The following RLN2 variants were observed in gnomAD, a reference collection of about 807,000 sequenced individuals.
RLN2 encodes prorelaxin H2.
In RLN2, 10 loss-of-function variants were observed where a neutral mutation model predicts 7.3. The ratio of observed to expected loss-of-function variants is 1.36; its 90% CI spans 0.84 to 2.31. The LOEUF is 2.31. Among genes scored for constraint, RLN2 ranks in the 30% most tolerant of loss-of-function variants. The pLI, the probability that RLN2 is intolerant of heterozygous loss-of-function variation, is 0.00. For synonymous variants in RLN2, 103 were observed against 82.3 expected (o/e 1.25, Z -1.36); for missense variants, 298 against 217.6 (o/e 1.37, Z -2.32).
At chr9:5,332,207 G>A in the RLN2 span, among the ~76,000 whole-genome samples, 1,281 of 152,090 alleles carry the variant, frequency 8.4e-3, 28 homozygotes, top group Middle Eastern at 0.034. Flanking sequence ...GTGTGCAGGT[G>A]TACTCCCTTT....
the RLN2 span, among the ~76,000 whole-genome samples, chr9:5,323,535 A>C: frequency 6.6e-6 from 1 of 151,684 alleles, no homozygotes; most frequent in Non-Finnish European, 1.5e-5. Flanking sequence ...GTGCATTTTT[A>C]GGGTGTCCAG....
intron 1 of RLN2, among the ~76,000 whole-genome samples, chr9:5,302,484 G>A (rs1816169689): frequency 6.6e-6 from 1 of 152,150 alleles, no homozygotes; most frequent in African/African-American, 2.4e-5. Context: ...ACAAATTACT[G>A]ACATGTACTT....
upstream of RLN2, among the ~76,000 whole-genome samples, chr9:5,307,464 T>C (rs1454298191): frequency 6.6e-6 from 1 of 151,880 alleles, no homozygotes; most frequent in African/African-American, 2.4e-5. Context: ...TATTTGAGTG[T>C]TTATACTAGA....
At chr9:5,320,213 T>C in the RLN2 span, among the ~76,000 whole-genome samples, 1 of 151,724 alleles carries the variant, frequency 6.6e-6, no homozygotes, top group Non-Finnish European at 1.5e-5. Flanking sequence ...CTCAAACTCC[T>C]GATCTCAGGT....
chr9:5,323,220 G>T, the RLN2 span, among the ~76,000 whole-genome samples: 3 of 151,742 alleles, frequency 2.0e-5, no homozygotes, highest in Non-Finnish European at 2.9e-5. Context: ...CAGTCATCTG[G>T]CTGCTTCCTG....
At chr9:5,311,221 A>G in the RLN2 span, among the ~76,000 whole-genome samples, 2 of 152,146 alleles carry the variant, frequency 1.3e-5, no homozygotes, top group Non-Finnish European at 1.5e-5. Flanking sequence ...TGAAGGTCAA[A>G]ACCAAGATAT....
At chr9:5,337,295 T>C in the RLN2 span, among the ~76,000 whole-genome samples, 5 of 152,092 alleles carry the variant, frequency 3.3e-5, no homozygotes, top group African/African-American at 9.7e-5. Flanking sequence ...AAAACAGTTA[T>C]AGATTGTATT....
At chr9:5,305,337 T>C (rs1586932849), upstream of RLN2, among the ~76,000 whole-genome samples, 1 of 148,684 alleles carries the variant, frequency 6.7e-6, no homozygotes, top group South Asian at 2.1e-4. Flanking sequence ...CTAATCTACA[T>C]CTCTGGAGAC....
the RLN2 span, among the ~76,000 whole-genome samples, chr9:5,336,553 A>T: frequency 6.6e-6 from 1 of 152,086 alleles, no homozygotes; most frequent in African/African-American, 2.4e-5. Flanking sequence ...ACTGCCAGTT[A>T]AAAGATATAA....
chr9:5,300,531 A>G, intron 1 of RLN2, 87 bp from the exon 2 acceptor site: 1 of 830,864 alleles, frequency 1.2e-6, no homozygotes, highest in South Asian at 1.8e-5. Context: ...GCATAGACAA[A>G]AAAGCATTGC....
At chr9:5,336,446 G>C in the RLN2 span, among the ~76,000 whole-genome samples, 1 of 151,932 alleles carries the variant, frequency 6.6e-6, no homozygotes, top group South Asian at 2.1e-4. Flanking sequence ...CTGGGACTTG[G>C]GCTGGGAACC....
chr9:5,320,909 G>C, the RLN2 span, among the ~76,000 whole-genome samples: 1 of 151,932 alleles, frequency 6.6e-6, no homozygotes, highest in East Asian at 1.9e-4. Flanking sequence ...GCCAGCTATG[G>C]ATAAATCTAC....
chr9:5,307,259 T>C (rs1333550027), upstream of RLN2, among the ~76,000 whole-genome samples: 1 of 118,234 alleles, frequency 8.5e-6, no homozygotes, highest in African/African-American at 3.3e-5. Flanking sequence ...AGATGATAGA[T>C]AGATAGATAG....
intron 1 of RLN2, among the ~76,000 whole-genome samples, chr9:5,302,111 A>G (rs1178601205): frequency 6.6e-6 from 1 of 152,358 alleles, no homozygotes; most frequent in Non-Finnish European, 1.5e-5. Context: ...TGAGTCAGCC[A>G]AAACAGTTAT....
At chr9:5,301,816 T>C (rs890724869) in intron 1 of RLN2, among the ~76,000 whole-genome samples, 1 of 151,962 alleles carries the variant, frequency 6.6e-6, no homozygotes, top group Admixed American at 6.5e-5. Flanking sequence ...ATTCAACAAT[T>C]GGAGTTTGAC....
chr9:5,326,480 G>C, the RLN2 span, among the ~76,000 whole-genome samples: 1 of 152,098 alleles, frequency 6.6e-6, no homozygotes, highest in Non-Finnish European at 1.5e-5. Flanking sequence ...CTGGTACCCA[G>C]ACTGGCTGAT....
chr9:5,337,651 A>G, the RLN2 span, among the ~76,000 whole-genome samples: 1 of 152,044 alleles, frequency 6.6e-6, no homozygotes, highest in Non-Finnish European at 1.5e-5. Context: ...ATCACAAATT[A>G]CTGACATGTA....
chr9:5,335,970 C>T, the RLN2 span, among the ~76,000 whole-genome samples: 1 of 152,020 alleles, frequency 6.6e-6, no homozygotes, highest in African/African-American at 2.4e-5. Flanking sequence ...ATTCTTCTTA[C>T]TTAACTCGTT....
upstream of RLN2, among the ~76,000 whole-genome samples, chr9:5,305,769 A>C (rs541686368): frequency 5.0e-4 from 76 of 152,138 alleles, 1 homozygote; most frequent in Non-Finnish European, 9.3e-4. Context: ...AAAGAATAAC[A>C]ATCTCTTAGT....
Sources: allele counts gnomAD v4.1 joint callset (sites outside exome capture counted in the v4.1 genomes callset), GRCh38; gene constraint gnomAD v4.1.1; transcripts MANE v1.5; gene names NCBI Gene and HGNC (gene_info 2026-07-23, HGNC 2026-07-21).